Variants in CUL3 observed in about 807,000 individuals in gnomAD.
CUL3 encodes the protein cullin 3.
A neutral mutation model predicts 89.1 loss-of-function variants in CUL3; 19 were observed. That is an observed-to-expected ratio of 0.21 (90% CI 0.15 to 0.31). CUL3 has a LOEUF of 0.31. Among genes scored for constraint, CUL3 ranks in the 10% least tolerant of loss-of-function variants. The probability of loss-of-function intolerance (pLI) is 1.00; values close to 1 mark genes in which losing one functional copy is unlikely to be tolerated. For missense variants in CUL3, 469 were observed against 942.3 expected, an observed-to-expected ratio of 0.50 and a Z score of 6.58; for synonymous variants, 351 against 308.4, an observed-to-expected ratio of 1.14 and a Z score of -1.45.
intron 1 of CUL3, among the ~76,000 whole-genome samples, chr2:224,568,370 C>T (rs1162133221): frequency 6.6e-6 from 1 of 152,230 alleles, no homozygotes; most frequent in Non-Finnish European, 1.5e-5. Flanking sequence ...CATCTTCCTC[C>T]ACTAGACTAT....
At chr2:224,501,731 G>C (rs1389196539) in intron 10 of CUL3, among the ~76,000 whole-genome samples, 2 of 152,106 alleles carry the variant, frequency 1.3e-5, no homozygotes, top group African/African-American at 4.8e-5. Context: ...GGGAGGTGGA[G>C]AACTGTTTAT....
intron 13 of CUL3, among the ~76,000 whole-genome samples, chr2:224,493,385 T>C (rs974235432): frequency 6.6e-6 from 1 of 152,196 alleles, no homozygotes; most frequent in African/African-American, 2.4e-5. Context: ...GAGAAACACG[T>C]GGTGTTGAGT....
At chr2:224,536,057 C>T (rs1037206260) in intron 2 of CUL3, among the ~76,000 whole-genome samples, 7 of 152,192 alleles carry the variant, frequency 4.6e-5, no homozygotes, top group African/African-American at 1.7e-4. Flanking sequence ...TACCTGGGCT[C>T]CAATCCCAGC....
intron 13 of CUL3, among the ~76,000 whole-genome samples, chr2:224,487,647 A>G (rs111896347): frequency 1.1e-3 from 167 of 152,192 alleles, no homozygotes; most frequent in Middle Eastern, 0.01. Context: ...ACTCCCACAC[A>G]ATAATAGGGG....
At chr2:224,584,280 TC>T (rs35465666) in intron 1 of CUL3, among the ~76,000 whole-genome samples, 2 of 151,800 alleles carry the variant, frequency 1.3e-5, no homozygotes, top group Admixed American at 1.3e-4. Context: ...CTCTGTTGCT[TC>T]CCCCCCACCC....
At chr2:224,547,319 T>C (rs962907097) in intron 2 of CUL3, among the ~76,000 whole-genome samples, 3 of 152,198 alleles carry the variant, frequency 2.0e-5, no homozygotes, top group Admixed American at 6.5e-5. Flanking sequence ...TTCATCCTTA[T>C]GAACAACATG....
chr2:224,494,941 T>C (rs1692111645), intron 13 of CUL3: 1 of 151,178 alleles, frequency 6.6e-6, no homozygotes, highest in African/African-American at 2.4e-5. Flanking sequence ...ATTAAGAAAA[T>C]GAAAAGGCAA....
rs2106194373 is a variant in CUL3 at position 224,502,994 on chromosome 2, C to T, written c.1456G>A (p.Glu486Lys). 6.2e-7 allele frequency: 1 copy of T among 1,613,872 alleles called. No homozygotes were observed. The highest frequency in any genetic ancestry group is 8.5e-7 in the Non-Finnish European group (1 of 1,179,788). Residue 486 changes from glutamate (E) to lysine (K), a missense_variant, in exon 10 of 16, where the codon GAA becomes AAA. Around this residue, in one of 4 missense-constraint regions of CUL3, gnomAD observed 370 missense variants for 733.2 expected, o/e 0.50. Coordinates refer to ENST00000264414, the MANE Select transcript of CUL3 (RefSeq NM_003590.5). ...DMSISNTTMDEFRQHLQATGV... is the reference protein window; with the variant it reads ...DMSISNTTMDKFRQHLQATGV... The stretch of plus-strand genomic sequence containing the variant: ...GTTGCCTGTAGATGTTGCCTGAATT[C>T]ATCCATCGTTGTGTTTGAGATGCTC...
chr2:224,550,207 A>G (rs1694462128), intron 2 of CUL3, among the ~76,000 whole-genome samples: 1 of 152,148 alleles, frequency 6.6e-6, no homozygotes, highest in Non-Finnish European at 1.5e-5. Context: ...ATAATGAGAG[A>G]TCTTGGGGAT....
intron 3 of CUL3, among the ~76,000 whole-genome samples, chr2:224,525,947 G>A (rs1693457204): frequency 6.6e-6 from 1 of 152,158 alleles, no homozygotes; most frequent in Non-Finnish European, 1.5e-5. Flanking sequence ...CCATAGATAG[G>A]TTTCAGGCAC....
At position 224,500,628 on chromosome 2, in the gene CUL3, T is replaced by C. The variant is rs559712463; in HGVS notation, c.1486-141A>G. ...TTAAAAAAAAGCAGATTTTCTTTTC[T>C]TTTTTTTTTTTTTTTTGAGACAGAG... On this transcript the variant is annotated intron_variant, in intron 10 of 15. Transcript: ENST00000264414. 1.4e-3 allele frequency: 104 copies of C among 72,642 alleles called. 2 individuals are homozygous for C. The highest frequency in any genetic ancestry group is 7.8e-3 in the African/African-American group (93 of 11,952). 4.5% of individuals were successfully genotyped at this position (72,642 alleles called of 1,614,324 possible).
intron 3 of CUL3, among the ~76,000 whole-genome samples, chr2:224,531,672 A>G (rs1270974551): frequency 1.3e-5 from 2 of 152,194 alleles, no homozygotes; most frequent in African/African-American, 4.8e-5. Flanking sequence ...AGTGGGGAGT[A>G]CGTGGGTCAG....
At chr2:224,493,676 T>C (rs1311959700) in intron 13 of CUL3, among the ~76,000 whole-genome samples, 1 of 152,214 alleles carries the variant, frequency 6.6e-6, no homozygotes, top group Non-Finnish European at 1.5e-5. Flanking sequence ...AAAAATGAAT[T>C]CGTATTTTTT....
chr2:224,504,487 T>G (rs1280570508), intron 8 of CUL3, among the ~76,000 whole-genome samples: 1 of 152,112 alleles, frequency 6.6e-6, no homozygotes, highest in Non-Finnish European at 1.5e-5. Context: ...TTTTGTATTT[T>G]TAGTAGAGAT....
rs1416250505 is a variant in CUL3, at chr2:224,556,118, A to G, written c.264+1541T>C. On this transcript the variant is annotated intron_variant, in intron 2 of 15. Coordinates refer to ENST00000264414, the MANE Select transcript of CUL3 (RefSeq NM_003590.5). ...CTTTAAGAGAAAGAAATTACAGAAG[A>G]AAGAGCAGAAATAGAAAATTACTGT... Among the ~76,000 whole-genome samples, 3 of 152,170 alleles carry G rather than the reference A, an allele frequency of 2.0e-5. No homozygotes were observed. The East Asian group carries it at 5.8e-4, about 29-fold the overall frequency.
intron 3 of CUL3, among the ~76,000 whole-genome samples, chr2:224,523,137 A>G (rs576724462): frequency 6.6e-6 from 1 of 152,202 alleles, no homozygotes; most frequent in Non-Finnish European, 1.5e-5. Flanking sequence ...AAGCAATACA[A>G]TTCAGTGGTT....
intron 13 of CUL3, among the ~76,000 whole-genome samples, chr2:224,494,312 A>C (rs151231505): frequency 6.6e-6 from 1 of 152,200 alleles, no homozygotes; most frequent in Admixed American, 6.5e-5. Flanking sequence ...AATATTCATT[A>C]CCTTAAATTT....
At chr2:224,479,803 T>A (rs1351107286) in intron 14 of CUL3, 2 of 152,230 alleles carry the variant, frequency 1.3e-5, no homozygotes, top group African/African-American at 2.4e-5. Flanking sequence ...ACTTTCTTTG[T>A]GGATTTGAAA....
intron 2 of CUL3, among the ~76,000 whole-genome samples, chr2:224,541,766 A>G (rs1694115082): frequency 6.6e-6 from 1 of 152,232 alleles, no homozygotes; most frequent in African/African-American, 2.4e-5. Context: ...CAATCTCAAA[A>G]TAATTATGCT....
Sources: gnomAD v4.1 joint callset for allele counts (sites outside exome capture counted in the v4.1 genomes callset) on GRCh38, gnomAD v4.1.1 for gene constraint, gnomAD v4.1.1 regional missense constraint, MANE v1.5 for transcripts, NCBI Gene and HGNC (gene_info 2026-07-23, HGNC 2026-07-21) for gene names.